The following MACF1 variants were observed in gnomAD, a reference collection of about 807,000 sequenced individuals.
MACF1 encodes the protein microtubule-actin cross-linking factor 1.
MACF1 carries 193 observed loss-of-function variants against 854.8 expected under a neutral mutation model. The ratio of observed to expected loss-of-function variants is 0.23; its 90% CI spans 0.20 to 0.25. The LOEUF (loss-of-function observed/expected upper bound fraction) is 0.25. MACF1 is among the 10% of genes least tolerant of loss of function. MACF1 has a pLI of 1.00. For missense variants in MACF1, 7,722 were observed against 8,929.1 expected, an observed-to-expected ratio of 0.86 and a Z score of 5.45; for synonymous variants, 3,185 against 3,226.7, an observed-to-expected ratio of 0.99 and a Z score of 0.44.
chr1:39,274,418 T>C (rs963554964), intron 6 of MACF1, among the ~76,000 whole-genome samples: 1 of 152,174 alleles, frequency 6.6e-6, no homozygotes, highest in East Asian at 1.9e-4. Flanking sequence ...AAGAAAAACA[T>C]TGCATCTGTA....
chr1:39,405,823 G>A (rs947203247), intron 58 of MACF1, among the ~76,000 whole-genome samples: 3 of 152,128 alleles, frequency 2.0e-5, no homozygotes, highest in Non-Finnish European at 4.4e-5. Context: ...GAGGGTCTCT[G>A]GAGCTCCCTG....
chr1:39,253,435 A>G (rs1039935464), intron 4 of MACF1, among the ~76,000 whole-genome samples: 1 of 148,370 alleles, frequency 6.7e-6, no homozygotes, highest in Non-Finnish European at 1.5e-5. Context: ...TTTGCCTCCC[A>G]TTTTGGATTT....
chr1:39,104,999 C>T (rs1056264544), intron 2 of MACF1, among the ~76,000 whole-genome samples: 4 of 152,216 alleles, frequency 2.6e-5, no homozygotes, highest in Non-Finnish European at 5.9e-5. Context: ...TGTCCCGCTC[C>T]CGGCGGCGTA....
chr1:39,173,847 A>G (rs1035730062), intron 2 of MACF1, among the ~76,000 whole-genome samples: 1 of 152,208 alleles, frequency 6.6e-6, no homozygotes, highest in Non-Finnish European at 1.5e-5. Flanking sequence ...GTTAAGAATA[A>G]CTAGTCTGTC....
chr1:39,091,495 C>T (rs946542933), intron 2 of MACF1, among the ~76,000 whole-genome samples: 1 of 152,036 alleles, frequency 6.6e-6, no homozygotes, highest in Non-Finnish European at 1.5e-5. Flanking sequence ...ATATATTCAG[C>T]CCTTGATAAT....
chr1:39,108,825 A>G (rs1439824294), intron 2 of MACF1, among the ~76,000 whole-genome samples: 1 of 152,196 alleles, frequency 6.6e-6, no homozygotes, highest in Non-Finnish European at 1.5e-5. Flanking sequence ...AGGACTAAAT[A>G]GTCTTTACTT....
At position 39,393,200 on chromosome 1, in the gene MACF1, T is replaced by A. The variant is rs11485524; in HGVS notation, c.15816+4542T>A. Among the ~76,000 whole-genome samples the A allele has an allele frequency of 5.7e-3, 655 of 113,918 alleles. 8 individuals are homozygous for A. The highest frequency in any genetic ancestry group is 0.015 in the African/African-American group (348 of 22,494). 74.7% of individuals were successfully genotyped at this position (113,918 alleles called of 152,430 possible). On this transcript the variant is annotated intron_variant, in intron 58 of 100. Coordinates refer to ENST00000564288, the MANE Select transcript of MACF1 (RefSeq NM_001394062.1). ...GAAGGGTAAAAAAAAAAAAAAAATA[T>A]ATATATATATATATATATATATATG...
In MACF1 at chr1:39,334,251, A is replaced by T; in HGVS notation, c.7663A>T (p.Ile2555Phe). The T allele has an allele frequency of 6.2e-7, 1 of 1,613,998 alleles. No homozygotes were observed. Residue 2555 changes from isoleucine (I) to phenylalanine (F), a missense_variant, in exon 37 of 101, where the codon ATT becomes TTT. Transcript: ENST00000564288. ...QIFNPETKEN[I>F]SLPKAIKLDL... ...TTTTAATCCTGAAACGAAGGAAAAT[A>T]TTTCCCTCCCTAAAGCCATAAAATT...
intron 58 of MACF1, among the ~76,000 whole-genome samples, chr1:39,392,621 G>T (rs934276729): frequency 2.0e-5 from 3 of 152,108 alleles, no homozygotes; most frequent in Non-Finnish European, 4.4e-5. Flanking sequence ...AACTCCATGG[G>T]AGCTAGAATA....
chr1:39,417,712 A>ATTTTT (rs1643370130), intron 58 of MACF1, among the ~76,000 whole-genome samples: 1 of 68,488 alleles, frequency 1.5e-5, no homozygotes, highest in East Asian at 4.5e-4. Flanking sequence ...ACACCCAGTT[A>ATTTTT]ATTTTTTTTT....
chr1:39,253,803 A>T (rs1175484163), intron 4 of MACF1, among the ~76,000 whole-genome samples: 2 of 152,194 alleles, frequency 1.3e-5, no homozygotes, highest in East Asian at 3.9e-4. Context: ...GGCGTGAGCC[A>T]CTGCACTTGG....
intron 95 of MACF1, among the ~76,000 whole-genome samples, chr1:39,466,511 G>C (rs1373643990): frequency 6.6e-6 from 1 of 152,194 alleles, no homozygotes; most frequent in Non-Finnish European, 1.5e-5. Flanking sequence ...AAGTACTCTT[G>C]TGGTTCCTTC....
At chr1:39,248,874 A>T (rs949910294) in intron 2 of MACF1, among the ~76,000 whole-genome samples, 2 of 150,846 alleles carry the variant, frequency 1.3e-5, no homozygotes, top group African/African-American at 4.9e-5. Context: ...GACCATAAGC[A>T]TATACCACCA....
intron 2 of MACF1, among the ~76,000 whole-genome samples, chr1:39,142,925 T>C (rs1643376415): frequency 6.6e-6 from 1 of 152,214 alleles, no homozygotes; most frequent in African/African-American, 2.4e-5. Flanking sequence ...GGCTGGGTCT[T>C]AGCTCTCCTT....
At chr1:39,385,063 T>C (rs1650562969) in intron 56 of MACF1, among the ~76,000 whole-genome samples, 1 of 152,110 alleles carries the variant, frequency 6.6e-6, no homozygotes, top group Non-Finnish European at 1.5e-5. Context: ...AGTTTTTGTT[T>C]TGACACTGCT....
intron 36 of MACF1, among the ~76,000 whole-genome samples, chr1:39,328,190 A>G (rs1021828759): frequency 6.6e-6 from 1 of 152,180 alleles, no homozygotes; most frequent in African/African-American, 2.4e-5. Flanking sequence ...AGTTGTAAAA[A>G]CCACAAGACA....
At chr1:39,196,392 GGCA>G (rs1211545285) in intron 2 of MACF1, among the ~76,000 whole-genome samples, 1 of 152,120 alleles carries the variant, frequency 6.6e-6, no homozygotes, top group Non-Finnish European at 1.5e-5. Flanking sequence ...AAACCTTAGA[GGCA>G]GAGTCATGGA....
chr1:39,131,151 C>CTTTTTT lies in MACF1; in HGVS notation c.220+46736_220+46741dup, dbSNP rs34762038. 1.9e-4 allele frequency among the ~76,000 whole-genome samples: 8 copies of CTTTTTT among 42,382 alleles called. 2 individuals carry two copies. The highest frequency in any genetic ancestry group is 9.8e-4 in the Admixed American group (2 of 2,042). The allele number at this position is 42,382 out of a possible 152,430, so 27.8% of individuals were successfully genotyped here. On this transcript the variant is annotated intron_variant, in intron 2 of 93. Coordinates refer to the MACF1 transcript ENST00000361689. ...ACAGGTGTGAGCCACTGCGCCCGGC[C>CTTTTTT]TTTTTTTTTTTTTTTTTTTTTTTTT...
intron 15 of MACF1, 84 bp from the exon 16 acceptor site, chr1:39,291,826 G>C: frequency 6.9e-7 from 1 of 1,439,980 alleles, no homozygotes; most frequent in Non-Finnish European, 9.3e-7. Context: ...CTACCCCTTG[G>C]TTCCTTGTCC....
Sources: allele counts gnomAD v4.1 joint callset (sites outside exome capture counted in the v4.1 genomes callset), GRCh38; gene constraint gnomAD v4.1.1; transcripts MANE v1.5; gene names NCBI Gene and HGNC (gene_info 2026-07-23, HGNC 2026-07-21).